The following ARSB variants were observed in gnomAD, a reference collection of about 807,000 sequenced individuals.
ARSB encodes the protein arylsulfatase B, also known as N-acetylgalactosamine-4-sulfatase.
A neutral mutation model predicts 50.9 loss-of-function variants in ARSB; 41 were observed. The ratio of observed to expected loss-of-function variants is 0.81; its 90% CI spans 0.63 to 1.04. The LOEUF (loss-of-function observed/expected upper bound fraction) is 1.04, where lower values mean the gene tolerates loss of function less well. Among genes scored for constraint, ARSB ranks in the 50% least tolerant of loss-of-function variants. ARSB has a pLI of 0.00. For missense variants in ARSB, 672 were observed against 693.3 expected (o/e 0.97, Z 0.35); for synonymous variants, 269 against 284.8 (o/e 0.94, Z 0.56).
At chr5:78,805,405 G>C (rs1340447745) in intron 6 of ARSB, among the ~76,000 whole-genome samples, 1 of 152,194 alleles carries the variant, frequency 6.6e-6, no homozygotes, top group Non-Finnish European at 1.5e-5. Context: ...AATAAGATTA[G>C]AAGGAAAACA....
chr5:78,954,178 G>A (rs1751609058), intron 4 of ARSB, among the ~76,000 whole-genome samples: 1 of 151,846 alleles, frequency 6.6e-6, no homozygotes, highest in African/African-American at 2.4e-5. Context: ...GAAAAAATAG[G>A]GGAAGGTGGG....
chr5:78,948,695 G>A (rs988177586), intron 4 of ARSB, among the ~76,000 whole-genome samples: 9 of 152,140 alleles, frequency 5.9e-5, no homozygotes, highest in African/African-American at 2.2e-4. Flanking sequence ...AGGAGCGCCT[G>A]AACTTCAAAC....
intron 4 of ARSB, among the ~76,000 whole-genome samples, chr5:78,937,792 G>T (rs1334401969): frequency 6.6e-6 from 1 of 151,860 alleles, no homozygotes; most frequent in East Asian, 1.9e-4. Context: ...GTTCCAAAAT[G>T]ATAACACAGA....
intron 2 of ARSB, among the ~76,000 whole-genome samples, chr5:78,966,173 T>C (rs549808798): frequency 6.6e-6 from 1 of 152,362 alleles, no homozygotes; most frequent in Non-Finnish European, 1.5e-5. Flanking sequence ...AGCAAAGGCA[T>C]GAACTACAAA....
intron 1 of ARSB, among the ~76,000 whole-genome samples, chr5:78,976,360 C>T (rs553090618): frequency 4.7e-4 from 67 of 142,988 alleles, no homozygotes; most frequent in Non-Finnish European, 8.0e-4. Flanking sequence ...CATCCTGGCT[C>T]ACTGCAAACT....
At chr5:78,900,537 C>G (rs1748756767) in intron 4 of ARSB, among the ~76,000 whole-genome samples, 1 of 152,136 alleles carries the variant, frequency 6.6e-6, no homozygotes, top group Admixed American at 6.5e-5. Context: ...AAATCTGATT[C>G]TCCAATCATA....
intron 4 of ARSB, among the ~76,000 whole-genome samples, chr5:78,928,026 C>A (rs1005584259): frequency 2.0e-5 from 3 of 152,178 alleles, no homozygotes; most frequent in Non-Finnish European, 4.4e-5. Flanking sequence ...CCAGACTGTG[C>A]GCAGACAGAC....
chr5:78,800,336 A>AAGCAGC (rs57239906), intron 6 of ARSB, among the ~76,000 whole-genome samples: 10 of 143,778 alleles, frequency 7.0e-5, no homozygotes, highest in East Asian at 4.0e-4. Context: ...AAAAAAAAAA[A>AAGCAGC]AGCAGCAGCA....
chr5:78,944,131 G>C (rs1311278104), intron 4 of ARSB, among the ~76,000 whole-genome samples: 2 of 152,110 alleles, frequency 1.3e-5, no homozygotes, highest in African/African-American at 4.8e-5. Context: ...AGCTCCATCA[G>C]GTCCTTTAAG....
chr5:78,893,940 A>T (rs1748451534), intron 4 of ARSB, among the ~76,000 whole-genome samples: 1 of 152,146 alleles, frequency 6.6e-6, no homozygotes, highest in African/African-American at 2.4e-5. Context: ...TTACTAATGG[A>T]TTTCCAGGCA....
intron 1 of ARSB, 140 bp downstream of exon 1, chr5:78,984,797 G>A: frequency 1.6e-6 from 1 of 614,386 alleles, no homozygotes; most frequent in Non-Finnish European, 2.2e-6. Flanking sequence ...GTTGGGGCGA[G>A]AAGCCGCCGG....
chr5:78,866,454 C>A (rs544613802), intron 5 of ARSB, among the ~76,000 whole-genome samples: 1 of 152,170 alleles, frequency 6.6e-6, no homozygotes, highest in Non-Finnish European at 1.5e-5. Flanking sequence ...GGTGGGGACA[C>A]AGCCAAACCA....
chr5:78,917,475 A>C (rs1749609783), intron 4 of ARSB, among the ~76,000 whole-genome samples: 1 of 152,040 alleles, frequency 6.6e-6, no homozygotes. Context: ...TCTCAATTAA[A>C]TCACTGGTTT....
chr5:78,780,333 G>GA lies in ARSB; in HGVS notation c.*63dup. 1 of 1,607,662 alleles carries GA rather than the reference G, an allele frequency of 6.2e-7. No homozygotes were observed. The highest frequency in any genetic ancestry group is 8.5e-7 in the Non-Finnish European group (1 of 1,176,878). On this transcript the variant is annotated 3_prime_UTR_variant, in exon 8 of 8. Transcript: ENST00000264914. ...CAGGTTGGGATAACAAATGAGACAA[G>GA]AGTCGTGAGAAAAGGCCTGAGGTCC...
At chr5:78,914,006 AG>A (rs1749430432) in intron 4 of ARSB, among the ~76,000 whole-genome samples, 1 of 148,992 alleles carries the variant, frequency 6.7e-6, no homozygotes, top group South Asian at 2.1e-4. Flanking sequence ...TTTATCACCC[AG>A]GCAGGAGTGC....
At chr5:78,950,806 CTG>C in intron 4 of ARSB, among the ~76,000 whole-genome samples, 1 of 152,302 alleles carries the variant, frequency 6.6e-6, no homozygotes, top group South Asian at 2.1e-4. Context: ...GCCACACATT[CTG>C]TGTGTGCAGA....
chr5:78,946,000 C>T (rs1019079852), intron 4 of ARSB, among the ~76,000 whole-genome samples: 1 of 152,234 alleles, frequency 6.6e-6, no homozygotes, highest in Non-Finnish European at 1.5e-5. Flanking sequence ...GTCTACTTCA[C>T]TAGAGTGTGA....
In ARSB at chr5:78,971,839, GTTTATCGAA is replaced by G. The variant is rs143267555; in HGVS notation, c.313-2656_313-2648del. On this transcript the variant is annotated intron_variant, in intron 1 of 7. Transcript: ENST00000264914. ...GTTTCACAGGTATATACCTATCAAA[GTTTATCGAA>G]TTGTATACTTGAAGTGTGTACAGTT... Among the ~76,000 whole-genome samples, 611 of 152,300 alleles carry G rather than the reference GTTTATCGAA, an allele frequency of 4.0e-3. 4 individuals carry two copies. Among genetic ancestry groups the G allele is most frequent in the African/African-American group, 0.014 (594 of 41,560 alleles).
At chr5:78,953,399 G>C (rs378944) in intron 4 of ARSB, among the ~76,000 whole-genome samples, 72,024 of 152,106 alleles carry the variant, frequency 0.47, 17,120 homozygotes, top group African/African-American at 0.56. Flanking sequence ...TCTCACATCT[G>C]CAAGATGGGA....
Sources: allele counts gnomAD v4.1 joint callset (sites outside exome capture counted in the v4.1 genomes callset), GRCh38; gene constraint gnomAD v4.1.1; transcripts MANE v1.5; gene names NCBI Gene and HGNC (gene_info 2026-07-23, HGNC 2026-07-21).